GABRB3: variants seen among roughly 807,000 people sequenced by gnomAD.
GABRB3 encodes gamma-aminobutyric acid receptor subunit beta-3.
Under a neutral mutation model 52.1 loss-of-function variants are expected in GABRB3, and 14 were observed. The ratio of observed to expected loss-of-function variants is 0.27; its 90% confidence interval spans 0.18 to 0.42. The LOEUF (loss-of-function observed/expected upper bound fraction) is 0.42. Among genes scored for constraint, GABRB3 ranks in the 10% least tolerant of loss-of-function variants. The pLI is 1.00. For synonymous variants in GABRB3, 260 were observed against 232.3 expected, an observed-to-expected ratio of 1.12 and a Z score of -1.08; for missense variants, 307 against 609.1, an observed-to-expected ratio of 0.50 and a Z score of 5.22.
chr15:26,551,658 C>T (rs1345355052), intron 8 of GABRB3, among the ~76,000 whole-genome samples: 1 of 152,200 alleles, frequency 6.6e-6, no homozygotes, highest in Non-Finnish European at 1.5e-5. Context: ...GGTGCCAGTG[C>T]TTCTAAACCA....
chr15:26,662,881 A>G (rs1887593296), intron 3 of GABRB3, among the ~76,000 whole-genome samples: 1 of 152,218 alleles, frequency 6.6e-6, no homozygotes, highest in Admixed American at 6.5e-5. Flanking sequence ...TTTTAAAGTA[A>G]TTATAGCTTT....
At chr15:26,753,371 T>C (rs891040620) in intron 3 of GABRB3, among the ~76,000 whole-genome samples, 1 of 152,206 alleles carries the variant, frequency 6.6e-6, no homozygotes, top group Non-Finnish European at 1.5e-5. Flanking sequence ...CAGAGACCAC[T>C]GCAGTTGAGG....
intron 3 of GABRB3, among the ~76,000 whole-genome samples, chr15:26,752,077 A>T (rs903944719): frequency 6.6e-6 from 1 of 152,134 alleles, no homozygotes; most frequent in Non-Finnish European, 1.5e-5. Context: ...TAGCACACCA[A>T]GAGCCTCCTC....
At chr15:26,758,658 C>A (rs1890727552) in intron 3 of GABRB3, among the ~76,000 whole-genome samples, 1 of 152,268 alleles carries the variant, frequency 6.6e-6, no homozygotes, top group Non-Finnish European at 1.5e-5. Flanking sequence ...CCCACCAATT[C>A]TCAGAGTTGA....
intron 8 of GABRB3, chr15:26,550,238 G>A (rs1174192586): frequency 6.6e-6 from 1 of 152,132 alleles, no homozygotes; most frequent in Admixed American, 6.5e-5. Flanking sequence ...AAGGCTGTAG[G>A]GAAAACATAA....
intron 8 of GABRB3, among the ~76,000 whole-genome samples, chr15:26,552,135 G>A (rs891602668): frequency 1.3e-5 from 2 of 151,984 alleles, no homozygotes; most frequent in Non-Finnish European, 1.5e-5. Context: ...AGCCTCCCAA[G>A]TAGCTGGGAT....
chr15:26,621,373 C>G lies in GABRB3; in HGVS notation c.402G>C (p.Val134=). Residue 134 remains valine (V), a synonymous_variant, in exon 4 of 9, where the codon GTG becomes GTC. Transcript: ENST00000311550. This position sits in a 1 kb window ranked among gnomAD's most constrained non-coding sequence, Gnocchi z 4.1. ...GACGGATCATGCGGTTTTTCACTGT[C>G]ACTCCATGCACAAATGACTTTTTGT... ...LNDKKSFVHG[V]TVKNRMIRLH... is the part of the protein sequence containing the mutation. 6.2e-7 allele frequency: 1 copy of G among 1,614,160 alleles called. No individual in the cohort carries two copies. The highest frequency in any genetic ancestry group is 1.1e-5 in the South Asian group (1 of 91,078).
At chr15:26,629,382 C>T (rs1892844486) in intron 3 of GABRB3, among the ~76,000 whole-genome samples, 1 of 152,194 alleles carries the variant, frequency 6.6e-6, no homozygotes, top group Admixed American at 6.5e-5. Context: ...GAGAACCTCG[C>T]CCTGGGAGGG....
intron 6 of GABRB3, among the ~76,000 whole-genome samples, chr15:26,571,304 T>G (rs1446180245): frequency 6.6e-6 from 1 of 152,076 alleles, no homozygotes; most frequent in African/African-American, 2.4e-5. Flanking sequence ...TAACAAAAAT[T>G]TTTCCTATAA....
chr15:26,691,172 C>T (rs1360454194), intron 3 of GABRB3, among the ~76,000 whole-genome samples: 1 of 152,032 alleles, frequency 6.6e-6, no homozygotes, highest in Admixed American at 6.5e-5. Flanking sequence ...GCTCTGTTTT[C>T]ATTTCTATCT....
intron 3 of GABRB3, among the ~76,000 whole-genome samples, chr15:26,665,599 C>T (rs75506743): frequency 6.6e-6 from 1 of 152,072 alleles, no homozygotes; most frequent in African/African-American, 2.4e-5. Flanking sequence ...GGAAATAAGG[C>T]AGAAAAAGGA....
rs931732521 is a variant in GABRB3, at chr15:26,629,117, T to C, written c.241-7583A>G. The C allele has an allele frequency of 3.3e-6, 5 of 1,529,992 alleles. No homozygotes were observed. The African/African-American group carries it at 6.9e-5, about 21-fold the overall frequency. The allele number at this position is 1,529,992 out of a possible 1,614,324, so 94.8% of individuals were successfully genotyped here. On this transcript the variant is annotated intron_variant, in intron 3 of 8. Transcript: ENST00000311550. ...TCGCTTCCTCTCCATCTCTGCTCTT[T>C]ACAGGAGAGGCTGAAGCTCGGGGAG... is the stretch of plus-strand genomic sequence containing the variant.
In GABRB3 at chr15:26,633,272, A is replaced by T. The variant is rs374610917; in HGVS notation, c.241-11738T>A. On this transcript the variant is annotated intron_variant, in intron 3 of 8. Coordinates refer to ENST00000311550, the MANE Select transcript of GABRB3 (RefSeq NM_000814.6). Reference sequence around the variant, plus strand: ...AATTATAAATTAAAATTAAACACAAATTTATAAAAGAGCTACAGTGCTAAT... The same window carrying T: ...AATTATAAATTAAAATTAAACACAATTTTATAAAAGAGCTACAGTGCTAAT... 4.5e-4 allele frequency among the ~76,000 whole-genome samples: 69 copies of T among 152,278 alleles called. 2 individuals carry two copies. The highest frequency in any genetic ancestry group is 4.1e-3 in the East Asian group (21 of 5,184).
intron 3 of GABRB3, among the ~76,000 whole-genome samples, chr15:26,623,987 C>T (rs1231691247): frequency 1.3e-5 from 2 of 152,146 alleles, no homozygotes; most frequent in Non-Finnish European, 2.9e-5. Flanking sequence ...AATAATAAAA[C>T]CTCCAGTTTA....
At chr15:26,708,002 T>C (rs1367324094) in intron 3 of GABRB3, among the ~76,000 whole-genome samples, 7 of 152,134 alleles carry the variant, frequency 4.6e-5, no homozygotes, top group Non-Finnish European at 1.0e-4. Flanking sequence ...AATGCTCCAG[T>C]GAGCATTTCC....
intron 3 of GABRB3, chr15:26,624,800 T>C: frequency 1.0e-6 from 1 of 985,412 alleles, no homozygotes; most frequent in Non-Finnish European, 1.2e-6. Context: ...GGTGGAAAGG[T>C]CCAAGCCTCC....
chr15:26,763,772 A>G (rs973222138), intron 3 of GABRB3, among the ~76,000 whole-genome samples: 2 of 152,188 alleles, frequency 1.3e-5, no homozygotes, highest in Non-Finnish European at 2.9e-5. Context: ...AATATTTTAT[A>G]CATATATGGC....
chr15:26,660,563 G>A (rs1245950424), intron 3 of GABRB3, among the ~76,000 whole-genome samples: 1 of 152,192 alleles, frequency 6.6e-6, no homozygotes, highest in African/African-American at 2.4e-5. Context: ...TCTGGCGAAA[G>A]TCCAGGCCTG....
intron 3 of GABRB3, 113 bp downstream of exon 3, chr15:26,772,289 C>A: frequency 1.1e-6 from 1 of 925,510 alleles, no homozygotes; most frequent in African/African-American, 1.7e-5. Context: ...CCTCTGCGGA[C>A]CGGGGAAACT....
Sources: allele counts gnomAD v4.1 joint callset (sites outside exome capture counted in the v4.1 genomes callset), GRCh38; gene constraint gnomAD v4.1.1; non-coding constraint Gnocchi (gnomAD v3.1); transcripts MANE v1.5; gene names NCBI Gene and HGNC (gene_info 2026-07-23, HGNC 2026-07-21).